MDGA2: variants seen among roughly 807,000 people sequenced by gnomAD.
MDGA2 encodes MAM domain containing glycosylphosphatidylinositol anchor 2.
Under a neutral mutation model 117.8 loss-of-function variants are expected in MDGA2, and 40 were observed. The ratio of observed to expected loss-of-function variants is 0.34; its 90% CI spans 0.26 to 0.44. The LOEUF is 0.44. Among genes scored for constraint, MDGA2 ranks in the 20% least tolerant of loss-of-function variants. The pLI is 1.00. For missense variants in MDGA2, 1,123 were observed against 1,250.6 expected (o/e 0.90, Z 1.54); for synonymous variants, 452 against 439.0 (o/e 1.03, Z -0.37).
At chr14:47,494,748 C>T (rs888624430) in intron 1 of MDGA2, among the ~76,000 whole-genome samples, 5 of 151,710 alleles carry the variant, frequency 3.3e-5, no homozygotes, top group African/African-American at 1.2e-4. Context: ...ATATGGTTAT[C>T]CAATTTTCCC....
rs921020891 is a variant in MDGA2, at chr14:47,426,564, A to C, written c.281-125014T>G. On this transcript the variant is annotated intron_variant, in intron 1 of 16. Transcript: ENST00000399232. ...ATTACTAGTTAGATAATATAATTAA[A>C]AAATAGCACCAAAAATTATTTTCTA... Among the ~76,000 whole-genome samples, 202 of 151,826 alleles carry C rather than the reference A, an allele frequency of 1.3e-3. 1 individual carries two copies. Among genetic ancestry groups the C allele is most frequent in the Non-Finnish European group, 2.7e-3 (183 of 67,906 alleles).
At chr14:47,377,389 A>G (rs896025262) in intron 1 of MDGA2, among the ~76,000 whole-genome samples, 8 of 152,034 alleles carry the variant, frequency 5.3e-5, no homozygotes, top group African/African-American at 1.9e-4. Context: ...CAGCCCACAG[A>G]GTGTGAGCCG....
At chr14:47,282,105 G>A (rs896265323) in intron 2 of MDGA2, among the ~76,000 whole-genome samples, 25 of 150,862 alleles carry the variant, frequency 1.7e-4, no homozygotes, top group Admixed American at 1.7e-3. Context: ...ACCTTGAAAT[G>A]ATGTTTGTAT....
At chr14:47,671,635 A>C (rs1296966818) in intron 1 of MDGA2, among the ~76,000 whole-genome samples, 3 of 152,228 alleles carry the variant, frequency 2.0e-5, no homozygotes, top group African/African-American at 4.8e-5. Context: ...ATGGCTTTAC[A>C]TGTAGCAAAT....
intron 2 of MDGA2, among the ~76,000 whole-genome samples, chr14:47,243,003 A>G (rs1305227039): frequency 1.3e-5 from 2 of 151,806 alleles, no homozygotes; most frequent in Non-Finnish European, 2.9e-5. Context: ...TTGTGAGTGC[A>G]CCAGTCGACA....
chr14:47,304,945 C>G (rs569765799), intron 1 of MDGA2, among the ~76,000 whole-genome samples: 1 of 152,124 alleles, frequency 6.6e-6, no homozygotes, highest in Non-Finnish European at 1.5e-5. Flanking sequence ...ATTATCTTCT[C>G]TTTTCTTCCA....
At chr14:46,959,754 C>G (rs1051746741) in intron 8 of MDGA2, among the ~76,000 whole-genome samples, 1 of 152,098 alleles carries the variant, frequency 6.6e-6, no homozygotes, top group Admixed American at 6.6e-5. Flanking sequence ...TCTGTTTCTA[C>G]TACTCCGATT....
chr14:47,166,378 A>G (rs1347133559), intron 3 of MDGA2, among the ~76,000 whole-genome samples: 3 of 152,102 alleles, frequency 2.0e-5, no homozygotes, highest in South Asian at 2.1e-4. Context: ...AAAACTTTCA[A>G]AAGATTTAAT....
intron 3 of MDGA2, among the ~76,000 whole-genome samples, chr14:47,206,621 G>A (rs1360228528): frequency 6.6e-6 from 1 of 151,888 alleles, no homozygotes; most frequent in Non-Finnish European, 1.5e-5. Flanking sequence ...TGGGTGCGGT[G>A]GCTCACACCT....
At chr14:47,096,207 A>G (rs547677963) in intron 6 of MDGA2, among the ~76,000 whole-genome samples, 5 of 151,990 alleles carry the variant, frequency 3.3e-5, no homozygotes, top group Non-Finnish European at 5.9e-5. Context: ...TCTTTTCTCA[A>G]TTTCAATCTG....
At chr14:47,626,200 T>C (rs898913108) in intron 1 of MDGA2, 2 of 151,566 alleles carry the variant, frequency 1.3e-5, no homozygotes, top group Non-Finnish European at 3.0e-5. Context: ...CAGATAGGTT[T>C]TTGTTTTGAT....
intron 1 of MDGA2, among the ~76,000 whole-genome samples, chr14:47,314,456 T>C (rs531789863): frequency 1.7e-4 from 26 of 152,244 alleles, no homozygotes; most frequent in African/African-American, 5.3e-4. Context: ...GGCAGGAGGA[T>C]AACTTAAAGC....
At chr14:47,163,225 T>G (rs1043159810) in intron 3 of MDGA2, among the ~76,000 whole-genome samples, 2 of 152,134 alleles carry the variant, frequency 1.3e-5, no homozygotes, top group Non-Finnish European at 1.5e-5. Flanking sequence ...CTGGAGACAA[T>G]CTCCCTGCCT....
At chr14:47,029,138 ATTTT>A (rs1888573940) in intron 8 of MDGA2, among the ~76,000 whole-genome samples, 1 of 152,162 alleles carries the variant, frequency 6.6e-6, no homozygotes, top group African/African-American at 2.4e-5. Context: ...TCTATCATTA[ATTTT>A]ATTTTGCTTT....
intron 1 of MDGA2, among the ~76,000 whole-genome samples, chr14:47,315,417 C>A (rs1434185110): frequency 6.6e-6 from 1 of 152,106 alleles, no homozygotes; most frequent in Non-Finnish European, 1.5e-5. Context: ...AAAAAGTTTG[C>A]CTTTTTCACT....
chr14:47,055,174 A>G lies in MDGA2; in HGVS notation c.1525+6075T>C, dbSNP rs78532565. 4.5e-4 allele frequency among the ~76,000 whole-genome samples: 68 copies of G among 152,100 alleles called. No individual in the cohort carries two copies. The East Asian group carries it at 0.013, about 29-fold the overall frequency. ...GGAAACAGGAAAAGCTGTCATTGTC[A>G]GATTGATTGTTAAGCCTTAAGAATG... On this transcript the variant is annotated intron_variant, in intron 7 of 16. Coordinates refer to ENST00000399232, the MANE Select transcript of MDGA2 (RefSeq NM_001113498.3).
At chr14:47,618,530 T>A (rs991781341) in intron 1 of MDGA2, among the ~76,000 whole-genome samples, 2 of 152,208 alleles carry the variant, frequency 1.3e-5, no homozygotes, top group African/African-American at 2.4e-5. Context: ...TTTTTCTTAC[T>A]GCAATACATG....
At chr14:46,871,595 C>G (rs1882001112) in intron 14 of MDGA2, 1 of 152,688 alleles carries the variant, frequency 6.5e-6, no homozygotes. Context: ...TTTATTATTG[C>G]TATTATTATT....
At chr14:46,935,708 T>G (rs557037610) in intron 9 of MDGA2, among the ~76,000 whole-genome samples, 1 of 152,102 alleles carries the variant, frequency 6.6e-6, no homozygotes. Flanking sequence ...CAAAGCTAGC[T>G]AGACAAAGCT....
Sources: gnomAD v4.1 joint callset for allele counts (sites outside exome capture counted in the v4.1 genomes callset) on GRCh38, gnomAD v4.1.1 for gene constraint, MANE v1.5 for transcripts, NCBI Gene and HGNC (gene_info 2026-07-23, HGNC 2026-07-21) for gene names.